The following SNX19 variants were observed in gnomAD, a reference collection of about 807,000 sequenced individuals.
SNX19 encodes the protein sorting nexin-19.
A neutral mutation model predicts 85.2 loss-of-function variants in SNX19; 60 were observed. The ratio of observed to expected loss-of-function variants is 0.70; its 90% confidence interval spans 0.57 to 0.87. The LOEUF is 0.87. SNX19 is among the 40% of genes least tolerant of loss of function. The pLI is 0.00. For synonymous variants in SNX19, 520 were observed against 470.0 expected (o/e 1.11, Z -1.38); for missense variants, 1,201 against 1,217.8 (o/e 0.99, Z 0.21).
At position 130,871,548 on chromosome 11, in the gene SNX19, A is replaced by G. The variant is rs903527807; in HGVS notation, c.*6874T>C. ...CATGGTTAATCTTTTTGATAGTTAC[A>G]GGAGCAGGATGATTCTTCACCCAGG... is the stretch of plus-strand genomic sequence containing the variant. On this transcript the variant is annotated 3_prime_UTR_variant, in exon 11 of 11. Transcript: ENST00000265909. 6.6e-6 allele frequency among the ~76,000 whole-genome samples: 1 copy of G among 152,224 alleles called. No homozygotes were observed. Among genetic ancestry groups the G allele is most frequent in the Non-Finnish European group, 1.5e-5 (1 of 68,036 alleles).
rs754099875 is a variant in SNX19, at chr11:130,873,723, C to T, written c.*4699G>A. ...TTAAATAAGTGAAGATATGTAAAGACTTTAAGTAATGCTCTCAGAAGATGT... is the reference window on the plus strand; with the variant it reads ...TTAAATAAGTGAAGATATGTAAAGATTTTAAGTAATGCTCTCAGAAGATGT... On this transcript the variant is annotated 3_prime_UTR_variant, in exon 11 of 11. Transcript: ENST00000265909. Among the ~76,000 whole-genome samples the T allele has an allele frequency of 6.6e-6, 1 of 152,152 alleles. No individual in the cohort carries two copies. Among genetic ancestry groups the T allele is most frequent in the Non-Finnish European group, 1.5e-5 (1 of 68,036 alleles).
In SNX19 at chr11:130,906,077, C is replaced by G; in HGVS notation, c.2319G>C (p.Lys773Asn). 2 of 1,614,122 alleles carry G rather than the reference C, an allele frequency of 1.2e-6. No individual in the cohort carries two copies. Among genetic ancestry groups the G allele is most frequent in the South Asian group, 2.2e-5 (2 of 91,082 alleles). The change falls in exon 7 of 11, where the codon AAG (lysine) becomes AAC (asparagine). Residue 773 changes from lysine (K) to asparagine (N), a missense_variant. By Grantham distance (94) the Lys-to-Asn change is moderately conservative (BLOSUM62 0). Transcript: ENST00000265909. ...CTTTTGTTGGCTGCATTTCCAGTAA[C>G]TTTGTCTGTTTTTCAATAAAAGATT... The part of the protein sequence containing the change: ...AMESFIEKQT[K>N]LLEMQPTKAP...
rs566666425 is a variant in SNX19, at chr11:130,916,042, G to A, written c.-103C>T. 18 of 1,096,014 alleles carry A rather than the reference G, an allele frequency of 1.6e-5. No individual in the cohort carries two copies. The highest frequency in any genetic ancestry group is 1.4e-4 in the South Asian group (9 of 64,130). The allele number at this position is 1,096,014 out of a possible 1,614,324, so 67.9% of individuals were successfully genotyped here. ...CTGTGTCTCAGATATGGGGCGATCT[G>A]GGTGCTGTTCAGGGAACCGGGGCTC... On this transcript the variant is annotated 5_prime_UTR_variant, in exon 1 of 11. Transcript: ENST00000265909.
rs572270347 is a variant in SNX19 at position 130,878,837 on chromosome 11, A to AC, written c.2847-284_2847-283insG. Among the ~76,000 whole-genome samples the AC allele has an allele frequency of 8.5e-5, 13 of 152,360 alleles. No homozygotes were observed. In the South Asian group the frequency reaches 2.7e-3, roughly 32 times the overall value. On this transcript the variant is annotated intron_variant, in intron 10 of 10. Transcript: ENST00000265909. ...TAGCACTGCTCTGAAGAACTGTGAT[A>AC]ACAAATCCTTGAGATGTCAGGTTAC...
In SNX19 at chr11:130,871,182, C is replaced by G. The variant is rs553948041; in HGVS notation, c.*7240G>C. 1.8e-3 allele frequency among the ~76,000 whole-genome samples: 273 copies of G among 152,304 alleles called. 2 individuals carry two copies. Among genetic ancestry groups the G allele is most frequent in the Non-Finnish European group, 2.9e-3 (194 of 68,028 alleles). ...CTAGATTTTTTTGGAAGTTTCTCGT[C>G]TAACCTCCTGCCTAAACCATCTATA... On this transcript the variant is annotated 3_prime_UTR_variant, in exon 11 of 11. Coordinates refer to ENST00000265909, the MANE Select transcript of SNX19 (RefSeq NM_014758.3).
In SNX19 at chr11:130,871,297, TCAC is replaced by T. The variant is rs1389128332; in HGVS notation, c.*7122_*7124del. On this transcript the variant is annotated 3_prime_UTR_variant, in exon 11 of 11. Transcript: ENST00000265909. ...CATGAGTCCTTAATGAAAGCTGCCC[TCAC>T]TATTCTTGAAAAAGCCACTTGCATT... Among the ~76,000 whole-genome samples, 1 of 152,148 alleles carries T rather than the reference TCAC, an allele frequency of 6.6e-6. No individual in the cohort carries two copies. The highest frequency in any genetic ancestry group is 1.5e-5 in the Non-Finnish European group (1 of 68,022).
chr11:130,889,354 T>C (rs1944330615), intron 8 of SNX19, among the ~76,000 whole-genome samples: 1 of 152,160 alleles, frequency 6.6e-6, no homozygotes. Context: ...ATTCATTTAC[T>C]CAAAGCATTG....
chr11:130,885,696 A>G (rs894357861), intron 8 of SNX19, among the ~76,000 whole-genome samples: 1 of 152,224 alleles, frequency 6.6e-6, no homozygotes, highest in African/African-American at 2.4e-5. Context: ...GGAAAATAAC[A>G]GGTCCATTCC....
At chr11:130,892,286 A>G (rs1409733517) in intron 8 of SNX19, among the ~76,000 whole-genome samples, 1 of 151,900 alleles carries the variant, frequency 6.6e-6, no homozygotes, top group Non-Finnish European at 1.5e-5. Context: ...TAAAAATGAC[A>G]CTGAAAAGCG....
chr11:130,883,900 C>A (rs367726520), intron 8 of SNX19, among the ~76,000 whole-genome samples: 2 of 152,350 alleles, frequency 1.3e-5, no homozygotes, highest in Admixed American at 1.3e-4. Context: ...TGCCCTCACA[C>A]AATACAATCT....
intron 8 of SNX19, among the ~76,000 whole-genome samples, chr11:130,897,590 C>G (rs974112754): frequency 6.6e-6 from 1 of 152,146 alleles, no homozygotes; most frequent in East Asian, 1.9e-4. Context: ...CCAGGCAGGG[C>G]GCCGGTCCAG....
chr11:130,888,448 T>C (rs1175568348), intron 8 of SNX19, among the ~76,000 whole-genome samples: 2 of 152,218 alleles, frequency 1.3e-5, no homozygotes, highest in Non-Finnish European at 2.9e-5. Context: ...TGTACTATAA[T>C]GCAGGCAACA....
At chr11:130,897,509 C>G (rs988363574) in intron 8 of SNX19, among the ~76,000 whole-genome samples, 2 of 152,162 alleles carry the variant, frequency 1.3e-5, no homozygotes, top group African/African-American at 4.8e-5. Flanking sequence ...AGGGCAGCGC[C>G]GCGGACGTGG....
intron 1 of SNX19, among the ~76,000 whole-genome samples, chr11:130,913,770 T>C (rs1345286121): frequency 3.9e-5 from 6 of 152,230 alleles, no homozygotes; most frequent in Admixed American, 3.3e-4. Flanking sequence ...CTTGGAGGTG[T>C]GTAAGCAGAC....
rs1040002096 is a variant in SNX19, at chr11:130,898,662, G to A, written c.2573+4593C>T. 3.3e-5 allele frequency among the ~76,000 whole-genome samples: 5 copies of A among 152,332 alleles called. No homozygotes were observed. The East Asian group carries it at 9.7e-4, about 29-fold the overall frequency. On this transcript the variant is annotated intron_variant, in intron 8 of 10. Coordinates refer to ENST00000265909, the MANE Select transcript of SNX19 (RefSeq NM_014758.3). ...GGTGCTGCAGCTCTGGAGATGTCAA[G>A]TTTCCAGCATATTGGCTTACCAAAG...
chr11:130,882,773 C>T (rs1240183423), intron 8 of SNX19, among the ~76,000 whole-genome samples: 2 of 152,096 alleles, frequency 1.3e-5, no homozygotes, highest in Non-Finnish European at 2.9e-5. Flanking sequence ...ATTAAGTGAC[C>T]CAAGGTCTCC....
rs768840148 is a variant in SNX19 at position 130,868,866 on chromosome 11, T to C, written c.*9556A>G. On this transcript the variant is annotated 3_prime_UTR_variant, in exon 11 of 11. Transcript: ENST00000265909. Reference sequence around the variant, plus strand: ...GAAAGATGGAAAGAAAATTGCCAGATGGGGATGAGGATTCCAAGCCTATCA... The same window carrying C: ...GAAAGATGGAAAGAAAATTGCCAGACGGGGATGAGGATTCCAAGCCTATCA... 1.3e-5 allele frequency: 2 copies of C among 152,096 alleles called. No individual in the cohort carries two copies. Among genetic ancestry groups the C allele is most frequent in the Non-Finnish European group, 2.9e-5 (2 of 68,034 alleles). 9.4% of individuals were successfully genotyped at this position (152,096 alleles called of 1,614,324 possible). A position where few individuals can be genotyped will look rare whatever the true frequency, so the allele number is the denominator to read the frequency against.
At chr11:130,884,358 T>C (rs1565511128) in intron 8 of SNX19, among the ~76,000 whole-genome samples, 1 of 152,152 alleles carries the variant, frequency 6.6e-6, no homozygotes. Context: ...TCTATTCTTA[T>C]CATAGGAGTG....
Position 130,877,733 on chromosome 11 carries a change from A to C in SNX19, c.*689T>G, listed in dbSNP as rs1943344520. 6.5e-6 allele frequency: 1 copy of C among 152,674 alleles called. No individual in the cohort carries two copies. The highest frequency in any genetic ancestry group is 1.5e-5 in the Non-Finnish European group (1 of 68,080). 9.5% of individuals were successfully genotyped at this position (152,674 alleles called of 1,614,324 possible). A position where few individuals can be genotyped will look rare whatever the true frequency, so the allele number is the denominator to read the frequency against. On this transcript the variant is annotated 3_prime_UTR_variant, in exon 11 of 11. Coordinates refer to ENST00000265909, the MANE Select transcript of SNX19 (RefSeq NM_014758.3). ...TGAAGGGTGGGGTGGATTTACCAGA[A>C]GCTTTGGCAGTCAGCTTTGAAGTCT...
Sources: gnomAD v4.1 joint callset for allele counts (sites outside exome capture counted in the v4.1 genomes callset) on GRCh38, gnomAD v4.1.1 for gene constraint, MANE v1.5 for transcripts, NCBI Gene and HGNC (gene_info 2026-07-23, HGNC 2026-07-21) for gene names.